TOP1: variants seen among roughly 807,000 people sequenced by gnomAD.
TOP1 encodes DNA topoisomerase I, also known as DNA topoisomerase 1.
In TOP1, 10 loss-of-function variants were observed where a neutral mutation model predicts 111.1. That is an observed-to-expected ratio of 0.09 (90% CI 0.06 to 0.15). TOP1 has a LOEUF of 0.15. TOP1 is among the 10% of genes least tolerant of loss of function. TOP1 has a pLI of 1.00. For synonymous variants in TOP1, 271 were observed against 302.9 expected, an observed-to-expected ratio of 0.89 and a Z score of 1.10; for missense variants, 474 against 926.7, an observed-to-expected ratio of 0.51 and a Z score of 6.34.
At chr20:41,103,996 G>A (rs2034105458) in intron 13 of TOP1, among the ~76,000 whole-genome samples, 2 of 152,098 alleles carry the variant, frequency 1.3e-5, no homozygotes, top group Non-Finnish European at 2.9e-5. Context: ...TACATATAAT[G>A]CCTGTAAATC....
chr20:41,049,580 G>C (rs899233512), intron 2 of TOP1, among the ~76,000 whole-genome samples: 2 of 152,222 alleles, frequency 1.3e-5, no homozygotes, highest in African/African-American at 4.8e-5. Flanking sequence ...AACTTGGGCA[G>C]TTAGGGGGAC....
Position 41,098,160 on chromosome 20 carries a change from C to T in TOP1, c.853-55C>T, listed in dbSNP as rs1292345935. On this transcript the variant is annotated intron_variant, in intron 10 of 20. Coordinates refer to ENST00000361337, the MANE Select transcript of TOP1 (RefSeq NM_003286.4). The surrounding 1 kb of genome is among the most constrained non-coding windows in gnomAD (Gnocchi z 5.7). ...GTGTATTTGCAAAGAAACCCAAGGACTTATTAGTGTATTTTCGTTGTTTTT... is the reference window on the plus strand; with the variant it reads ...GTGTATTTGCAAAGAAACCCAAGGATTTATTAGTGTATTTTCGTTGTTTTT... 3 of 1,586,600 alleles carry T rather than the reference C, an allele frequency of 1.9e-6. No homozygotes were observed. Among genetic ancestry groups the T allele is most frequent in the Admixed American group, 3.3e-5 (2 of 59,880 alleles).
chr20:41,033,306 A>G (rs545355548), intron 2 of TOP1, among the ~76,000 whole-genome samples: 2 of 151,884 alleles, frequency 1.3e-5, no homozygotes, highest in Non-Finnish European at 2.9e-5. Context: ...GAAAATAGGA[A>G]ACCAAGGTCA....
intron 3 of TOP1, chr20:41,073,288 A>T: frequency 1.0e-6 from 1 of 985,072 alleles, no homozygotes; most frequent in East Asian, 1.1e-4. Flanking sequence ...AGAACGGGTC[A>T]GGGGAAGGTG....
chr20:41,087,584 T>A (rs1313175342), intron 8 of TOP1, among the ~76,000 whole-genome samples: 5 of 152,218 alleles, frequency 3.3e-5, no homozygotes, highest in South Asian at 2.1e-4. Context: ...ATATGGTCAA[T>A]GATAGTGGTA....
At chr20:41,119,217 A>G (rs1244499181) in intron 18 of TOP1, among the ~76,000 whole-genome samples, 2 of 152,270 alleles carry the variant, frequency 1.3e-5, no homozygotes, top group Non-Finnish European at 2.9e-5. Flanking sequence ...AGCAATTCAA[A>G]TATGAAATGA....
chr20:41,041,253 G>A (rs2033260270), intron 2 of TOP1, among the ~76,000 whole-genome samples: 1 of 151,912 alleles, frequency 6.6e-6, no homozygotes, highest in African/African-American at 2.4e-5. Flanking sequence ...TTCTAAAGCA[G>A]CCTGGGCAAC....
In TOP1 at chr20:41,067,683, C is replaced by G. The variant is rs2033624457; in HGVS notation, c.155+6193C>G. On this transcript the variant is annotated intron_variant, in intron 3 of 20. Transcript: ENST00000361337. This position sits in a 1 kb window ranked among gnomAD's most constrained non-coding sequence, Gnocchi z 4.0. ...GTGTTTCAGATGTGTTTCTGTGTCC[C>G]TTCCTTCTCTGCTAGATATTAGCAC... Among the ~76,000 whole-genome samples the G allele has an allele frequency of 6.6e-6, 1 of 152,162 alleles. No homozygotes were observed. Among genetic ancestry groups the G allele is most frequent in the Admixed American group, 6.5e-5 (1 of 15,282 alleles).
rs2033960907 is a variant in TOP1 at position 41,094,650 on chromosome 20, G to A, written c.730+2063G>A. Reference sequence around the variant, plus strand: ...TGGGATTTCTTCTCTTTGATTGTGTGAACTCTTACTCTGCAGTAAGTCAAG... The same window carrying A: ...TGGGATTTCTTCTCTTTGATTGTGTAAACTCTTACTCTGCAGTAAGTCAAG... On this transcript the variant is annotated intron_variant, in intron 9 of 20. Coordinates refer to ENST00000361337, the MANE Select transcript of TOP1 (RefSeq NM_003286.4). The surrounding 1 kb of genome is among the most constrained non-coding windows in gnomAD (Gnocchi z 4.4). 6.6e-6 allele frequency among the ~76,000 whole-genome samples: 1 copy of A among 152,078 alleles called. No individual in the cohort carries two copies. The highest frequency in any genetic ancestry group is 2.1e-4 in the South Asian group (1 of 4,832).
Position 41,123,138 on chromosome 20 carries a change from G to T in TOP1, c.2196-57G>T. 1 of 1,207,078 alleles carries T rather than the reference G, an allele frequency of 8.3e-7. No individual in the cohort carries two copies. The allele number at this position is 1,207,078 out of a possible 1,614,324, so 74.8% of individuals were successfully genotyped here. ...ATGGAACATCTGACCCTGGGCCTCA[G>T]ATATGGGCCATTGCTGAGTCACCCT... On this transcript the variant is annotated intron_variant, in intron 20 of 20. Coordinates refer to ENST00000361337, the MANE Select transcript of TOP1 (RefSeq NM_003286.4). This position sits in a 1 kb window ranked among gnomAD's most constrained non-coding sequence, Gnocchi z 5.8.
In TOP1 at chr20:41,058,189, G is replaced by C. The variant is rs1233557745; in HGVS notation, c.59-3205G>C. On this transcript the variant is annotated intron_variant, in intron 2 of 20. Transcript: ENST00000361337. The surrounding 1 kb of genome is among the most constrained non-coding windows in gnomAD (Gnocchi z 4.2). ...CCTGACACAGAATAGATGCTCAGCAGATTATGACACATGTGGCTTCTTTTG... is the reference window on the plus strand; with the variant it reads ...CCTGACACAGAATAGATGCTCAGCACATTATGACACATGTGGCTTCTTTTG... Among the ~76,000 whole-genome samples the C allele has an allele frequency of 2.6e-5, 4 of 152,238 alleles. No individual in the cohort carries two copies. Among genetic ancestry groups the C allele is most frequent in the Non-Finnish European group, 4.4e-5 (3 of 68,050 alleles).
Position 41,058,998 on chromosome 20 carries a change from C to T in TOP1, c.59-2396C>T, listed in dbSNP as rs148240169. 8.5e-5 allele frequency among the ~76,000 whole-genome samples: 13 copies of T among 152,070 alleles called. No individual in the cohort carries two copies. Among genetic ancestry groups the T allele is most frequent in the East Asian group, 3.9e-4 (2 of 5,170 alleles). On this transcript the variant is annotated intron_variant, in intron 2 of 20. Coordinates refer to ENST00000361337, the MANE Select transcript of TOP1 (RefSeq NM_003286.4). This position sits in a 1 kb window ranked among gnomAD's most constrained non-coding sequence, Gnocchi z 4.2. Reference sequence around the variant, plus strand: ...GAATACTGTGCAGCCATAAGAAGAACGAGATTGTGTCCTTTGCAGGAACAT... The same window carrying T: ...GAATACTGTGCAGCCATAAGAAGAATGAGATTGTGTCCTTTGCAGGAACAT...
In TOP1 at chr20:41,111,761, G is replaced by A. The variant is rs1262105909; in HGVS notation, c.1309-1021G>A. On this transcript the variant is annotated intron_variant, in intron 13 of 20. Transcript: ENST00000361337. Reference sequence around the variant, plus strand: ...ACTACCACTTTCCTTTGTTGCGGGTGGGGAAATTAAGAGCAGAGATTCTTG... The same window carrying A: ...ACTACCACTTTCCTTTGTTGCGGGTAGGGAAATTAAGAGCAGAGATTCTTG... 2.6e-5 allele frequency among the ~76,000 whole-genome samples: 4 copies of A among 152,066 alleles called. No individual in the cohort carries two copies. The East Asian group carries it at 7.7e-4, about 29-fold the overall frequency.
intron 2 of TOP1, among the ~76,000 whole-genome samples, chr20:41,049,528 T>TTA: frequency 6.6e-6 from 1 of 152,090 alleles, no homozygotes; most frequent in Non-Finnish European, 1.5e-5. Flanking sequence ...AACGGTAACA[T>TTA]TAGAGGCTGA....
At chr20:41,113,243 C>T (rs1393209198) in intron 14 of TOP1, among the ~76,000 whole-genome samples, 3 of 152,052 alleles carry the variant, frequency 2.0e-5, no homozygotes, top group East Asian at 3.9e-4. Context: ...TTGGTACTCA[C>T]GAGAAGAAAA....
rs756508616 is a variant in TOP1, at chr20:41,097,882, T to A, written c.853-333T>A. Among the ~76,000 whole-genome samples, 24 of 152,174 alleles carry A rather than the reference T, an allele frequency of 1.6e-4. No individual in the cohort carries two copies. The highest frequency in any genetic ancestry group is 3.4e-4 in the Non-Finnish European group (23 of 68,044). ...ACTTAATAAATGAATAGAATAGGGG[T>A]AATGTTTCCAAGAGAGAATCAGTAT... On this transcript the variant is annotated intron_variant, in intron 10 of 20. Coordinates refer to ENST00000361337, the MANE Select transcript of TOP1 (RefSeq NM_003286.4). The surrounding 1 kb of genome is among the most constrained non-coding windows in gnomAD (Gnocchi z 4.2).
At chr20:41,119,044 A>T (rs1476226752) in intron 18 of TOP1, among the ~76,000 whole-genome samples, 1 of 152,264 alleles carries the variant, frequency 6.6e-6, no homozygotes, top group East Asian at 1.9e-4. Flanking sequence ...TATAGAACAG[A>T]TACACAGGGT....
Position 41,032,253 on chromosome 20 carries a change from C to A in TOP1, c.58+2798C>A, listed in dbSNP as rs993750862. On this transcript the variant is annotated intron_variant, in intron 2 of 20. Transcript: ENST00000361337. This position sits in a 1 kb window ranked among gnomAD's most constrained non-coding sequence, Gnocchi z 4.3. ...TATAAAAGATTCCCCCCCGTCCCCCCACTTTGGAGCTCATTCTTCGCAATA... is the reference window on the plus strand; with the variant it reads ...TATAAAAGATTCCCCCCCGTCCCCCAACTTTGGAGCTCATTCTTCGCAATA... Among the ~76,000 whole-genome samples, 1 of 152,128 alleles carries A rather than the reference C, an allele frequency of 6.6e-6. No individual in the cohort carries two copies. Among genetic ancestry groups the A allele is most frequent in the African/African-American group, 2.4e-5 (1 of 41,410 alleles).
In TOP1 at chr20:41,111,681, C is replaced by G. The variant is rs144447742; in HGVS notation, c.1309-1101C>G. On this transcript the variant is annotated intron_variant, in intron 13 of 20. Transcript: ENST00000361337. ...TATCTTCACCACAGGTCTTATGTCT[C>G]AAGGACCACGGGTCCACGTCATAGT... Among the ~76,000 whole-genome samples, 434 of 145,694 alleles carry G rather than the reference C, an allele frequency of 3.0e-3. 11 individuals are homozygous for G. The East Asian group carries it at 0.069, about 23-fold the overall frequency.
Sources: allele counts gnomAD v4.1 joint callset (sites outside exome capture counted in the v4.1 genomes callset), GRCh38; gene constraint gnomAD v4.1.1; non-coding constraint Gnocchi (gnomAD v3.1); transcripts MANE v1.5; gene names NCBI Gene and HGNC (gene_info 2026-07-23, HGNC 2026-07-21).